ADAMDEC1: variants seen among roughly 807,000 people sequenced by gnomAD.
ADAMDEC1 encodes the protein ADAM DEC1.
In ADAMDEC1, 62 loss-of-function variants were observed where a neutral mutation model predicts 60.4. The ratio of observed to expected loss-of-function variants is 1.03; its 90% CI spans 0.84 to 1.27. The LOEUF is 1.27. Ranked by LOEUF, ADAMDEC1 falls within the 50% of genes most tolerant of loss-of-function variation. ADAMDEC1 has a pLI of 0.00. For missense variants in ADAMDEC1, 595 were observed against 565.0 expected (o/e 1.05, Z -0.54); for synonymous variants, 210 against 195.1 (o/e 1.08, Z -0.64).
intron 12 of ADAMDEC1, 38 bp from the exon 13 acceptor site, chr8:24,403,965 T>C: frequency 6.4e-7 from 1 of 1,567,132 alleles, no homozygotes; most frequent in Non-Finnish European, 8.8e-7. Context: ...GAAGAAAATG[T>C]TGAACCCACC....
At chr8:24,388,313 T>A (rs1488793885) in intron 1 of ADAMDEC1, among the ~76,000 whole-genome samples, 1 of 152,178 alleles carries the variant, frequency 6.6e-6, no homozygotes, top group Non-Finnish European at 1.5e-5. Context: ...TCAAACGTAC[T>A]GTCTATACAC....
chr8:24,399,308 G>A (rs891137899), intron 9 of ADAMDEC1, 85 bp from the exon 10 acceptor site: 13 of 1,373,546 alleles, frequency 9.5e-6, no homozygotes, highest in African/African-American at 8.6e-5. Flanking sequence ...CTAGGGCAGC[G>A]AGGCAATTCG....
rs114837065 is a variant in ADAMDEC1 at position 24,404,857 on chromosome 8, C to T, written c.1407-435C>T. Among the ~76,000 whole-genome samples, 628 of 152,224 alleles carry T rather than the reference C, an allele frequency of 4.1e-3. 4 individuals carry two copies. Among genetic ancestry groups the T allele is most frequent in the African/African-American group, 0.014 (599 of 41,552 alleles). On this transcript the variant is annotated intron_variant, in intron 13 of 13. Transcript: ENST00000256412. The stretch of plus-strand genomic sequence containing the variant: ...ATAAGGACCAACGCTTGTTTATTTA[C>T]CAAACACCATTTAATACAGCCTACA...
chr8:24,402,212 G>A, intron 12 of ADAMDEC1, 120 bp downstream of exon 12: 1 of 911,238 alleles, frequency 1.1e-6, no homozygotes, highest in Non-Finnish European at 1.6e-6. Context: ...AAGGAGATTT[G>A]TGCTTGTGTT....
At chr8:24,392,473 A>C (rs1817470716) in intron 2 of ADAMDEC1, 93 bp downstream of exon 2, 1 of 908,522 alleles carries the variant, frequency 1.1e-6, no homozygotes, top group Non-Finnish European at 1.7e-6. Context: ...TACAGTTACT[A>C]TGTAATAGTT....
intron 1 of ADAMDEC1, among the ~76,000 whole-genome samples, chr8:24,385,976 C>T (rs1817281294): frequency 1.3e-5 from 2 of 151,842 alleles, no homozygotes; most frequent in South Asian, 2.1e-4. Context: ...TTTTTTCCCC[C>T]CATTCCTCAG....
In ADAMDEC1 at chr8:24,392,310, G is replaced by C; in HGVS notation, c.137G>C (p.Cys46Ser). ...GAATTAACGCTCCATGAAATAGTTT[G>C]TCCTAAAAAACTTCACATTTTACAC... ...TPELTLHEIV[C>S]PKKLHILHKR... The change falls in exon 2 of 14, where the codon TGT (cysteine) becomes TCT (serine). Residue 46 changes from cysteine (C) to serine (S), a missense_variant. Cys to Ser is a moderately radical substitution (Grantham distance 112, BLOSUM62 -1). Coordinates refer to ENST00000256412, the MANE Select transcript of ADAMDEC1 (RefSeq NM_014479.3). 6.2e-7 allele frequency: 1 copy of C among 1,611,332 alleles called. No individual in the cohort carries two copies. Among genetic ancestry groups the C allele is most frequent in the Non-Finnish European group, 8.5e-7 (1 of 1,178,706 alleles).
At position 24,397,437 on chromosome 8, in the gene ADAMDEC1, G is replaced by C; in HGVS notation, c.608G>C (p.Arg203Thr). ...AAACAAGGCCCAATTCGAATCTCTA[G>C]ATCACTCAAAAGCCCAGAGGTGAAT... ...DGKQGPIRIS[R>T]SLKSPEKEDF... is the part of the protein sequence containing the mutation. Residue 203 changes from arginine to threonine, a missense_variant, in exon 6 of 14, where the codon AGA becomes ACA. Arg to Thr is a moderately conservative substitution (Grantham distance 71, BLOSUM62 -1). Transcript: ENST00000256412. 1 of 1,613,584 alleles carries C rather than the reference G, an allele frequency of 6.2e-7. No individual in the cohort carries two copies. Among genetic ancestry groups the C allele is most frequent in the Non-Finnish European group, 8.5e-7 (1 of 1,179,720 alleles).
Position 24,405,471 on chromosome 8 carries a change from G to T in ADAMDEC1, c.*173G>T, listed in dbSNP as rs1817866822. ...TAAACAGATGTAATTAGAGACATTGGCTCTTTGTTTAGGCCTAATCTTTCT... is the reference window on the plus strand; with the variant it reads ...TAAACAGATGTAATTAGAGACATTGTCTCTTTGTTTAGGCCTAATCTTTCT... On this transcript the variant is annotated 3_prime_UTR_variant, in exon 14 of 14. Coordinates refer to ENST00000256412, the MANE Select transcript of ADAMDEC1 (RefSeq NM_014479.3). 3.3e-6 allele frequency: 2 copies of T among 601,480 alleles called. No homozygotes were observed. The highest frequency in any genetic ancestry group is 2.0e-5 in the African/African-American group (1 of 51,128). The allele number at this position is 601,480 out of a possible 1,614,324, so 37.3% of individuals were successfully genotyped here.
In ADAMDEC1 at chr8:24,392,664, TC is replaced by T. The variant is rs533630283; in HGVS notation, c.207+285del. On this transcript the variant is annotated intron_variant, in intron 2 of 13. Transcript: ENST00000256412. ...GAGAGAAGCCCGGGAAGGTCGGCCA[TC>T]TTTAACGGAGATGTTGTTCCTGGCA... 2.0e-3 allele frequency among the ~76,000 whole-genome samples: 299 copies of T among 152,284 alleles called. 1 individual carries two copies. The highest frequency in any genetic ancestry group is 2.9e-3 in the Non-Finnish European group (194 of 68,020).
Position 24,402,039 on chromosome 8 carries a change from T to A in ADAMDEC1, c.1267T>A (p.Cys423Ser). 1 of 1,613,202 alleles carries A rather than the reference T, an allele frequency of 6.2e-7. No homozygotes were observed. The highest frequency in any genetic ancestry group is 8.5e-7 in the Non-Finnish European group (1 of 1,179,396). ...TACAAATATAATGACAACACCAGTG[T>A]GTGGGAACCACCTTCTAGAAGTGGG... ...IPTNIMTTPV[C>S]GNHLLEVGED... is the part of the protein sequence containing the mutation. The change falls in exon 12 of 14, where the codon TGT becomes AGT. Residue 423 changes from cysteine to serine, a missense_variant. Cys to Ser is a moderately radical substitution (Grantham distance 112). Transcript: ENST00000256412.
At chr8:24,394,218 G>T in intron 4 of ADAMDEC1, 71 bp downstream of exon 4, 1 of 1,174,738 alleles carries the variant, frequency 8.5e-7, no homozygotes, top group South Asian at 1.3e-5. Context: ...TGTTAACTAA[G>T]ATCTCCAAAG....
At chr8:24,389,031 T>C (rs1322779219) in intron 1 of ADAMDEC1, among the ~76,000 whole-genome samples, 5 of 152,124 alleles carry the variant, frequency 3.3e-5, no homozygotes, top group Non-Finnish European at 5.9e-5. Context: ...TGAGGTATGA[T>C]AGCATTACAG....
intron 8 of ADAMDEC1, 117 bp from the exon 9 acceptor site, chr8:24,398,757 A>G (rs1817680520): frequency 3.3e-6 from 4 of 1,203,172 alleles, no homozygotes; most frequent in African/African-American, 3.1e-5. Context: ...TTTACTTTCA[A>G]AATGGAAATT....
chr8:24,388,456 T>C (rs924878036), intron 1 of ADAMDEC1, among the ~76,000 whole-genome samples: 2 of 152,116 alleles, frequency 1.3e-5, no homozygotes, highest in Non-Finnish European at 2.9e-5. Context: ...GGGCATCATA[T>C]TCTCATGTTT....
chr8:24,390,255 TTTACA>T, intron 1 of ADAMDEC1: 1 of 985,432 alleles, frequency 1.0e-6, no homozygotes. Flanking sequence ...ATGTAATACG[TTTACA>T]TTATTTTTTC....
chr8:24,399,039 A>C lies in ADAMDEC1; in HGVS notation c.928A>C (p.Ser310Arg). The change falls in exon 9 of 14, where the codon AGC becomes CGC. Residue 310 changes from serine (S) to arginine (R), a missense_variant and splice_region_variant. Coordinates refer to ENST00000256412, the MANE Select transcript of ADAMDEC1 (RefSeq NM_014479.3). ...KKIHDHAQLL[S>R]GISFNNRRVG... ...GATCCACGACCATGCTCAGCTTCTC[A>C]GGTGAGCACATGCTGGCCAGGTGAA... 1.2e-6 allele frequency: 2 copies of C among 1,611,060 alleles called. No homozygotes were observed. The highest frequency in any genetic ancestry group is 1.7e-6 in the Non-Finnish European group (2 of 1,178,716).
At position 24,405,832 on chromosome 8, in the gene ADAMDEC1, A is replaced by G. The variant is rs1056222; in HGVS notation, c.*534A>G. On this transcript the variant is annotated 3_prime_UTR_variant, in exon 14 of 14. Transcript: ENST00000256412. ...GTGCAGTATTTTTCTACATCATGTC[A>G]AGAATGATTCAATGTAAATATTTTT... 91,325 of 152,280 alleles carry G rather than the reference A, an allele frequency of 0.6. 27,691 individuals are homozygous for G. The highest frequency in any genetic ancestry group is 0.81 in the East Asian group (4,188 of 5,170). 9.4% of individuals were successfully genotyped at this position (152,280 alleles called of 1,614,324 possible). A position where few individuals can be genotyped will look rare whatever the true frequency, so the allele number is the denominator to read the frequency against.
At chr8:24,394,470 TA>T (rs995341030) in intron 4 of ADAMDEC1, among the ~76,000 whole-genome samples, 1 of 152,196 alleles carries the variant, frequency 6.6e-6, no homozygotes, top group African/African-American at 2.4e-5. Flanking sequence ...TATACGTACT[TA>T]AAACCTCTTG....
Sources: gnomAD v4.1 joint callset for allele counts (sites outside exome capture counted in the v4.1 genomes callset) on GRCh38, gnomAD v4.1.1 for gene constraint, MANE v1.5 for transcripts, NCBI Gene and HGNC (gene_info 2026-07-23, HGNC 2026-07-21) for gene names.